Variants in IFT80 observed in about 807,000 individuals in gnomAD.
The protein encoded by IFT80 is intraflagellar transport protein 80 homolog.
A neutral mutation model predicts 107.9 loss-of-function variants in IFT80; 79 were observed. That is an observed-to-expected ratio of 0.73 (90% CI 0.61 to 0.88). The LOEUF (loss-of-function observed/expected upper bound fraction) is 0.88, where lower values mean the gene tolerates loss of function less well. Among genes scored for constraint, IFT80 ranks in the 40% least tolerant of loss-of-function variants. The pLI is 0.00. For missense variants in IFT80, 797 were observed against 914.2 expected, an observed-to-expected ratio of 0.87 and a Z score of 1.65; for synonymous variants, 299 against 300.9, an observed-to-expected ratio of 0.99 and a Z score of 0.07.
chr3:160,388,527 T>A (rs1001141016), intron 1 of IFT80, among the ~76,000 whole-genome samples: 4 of 150,368 alleles, frequency 2.7e-5, no homozygotes, highest in Non-Finnish European at 5.9e-5. Context: ...CAGAAAGATG[T>A]CATGTCCTAA....
At chr3:160,334,053 A>G (rs1394951745) in intron 8 of IFT80, among the ~76,000 whole-genome samples, 1 of 152,164 alleles carries the variant, frequency 6.6e-6, no homozygotes, top group African/African-American at 2.4e-5. Flanking sequence ...TGGGACCACT[A>G]TCATATATGC....
At chr3:160,325,330 C>T (rs2108308139) in intron 8 of IFT80, among the ~76,000 whole-genome samples, 1 of 152,232 alleles carries the variant, frequency 6.6e-6, no homozygotes, top group South Asian at 2.1e-4. Flanking sequence ...TAAGTCAATC[C>T]TAAGCCTAAA....
chr3:160,273,082 T>TTGAA (rs1356927475), intron 18 of IFT80, among the ~76,000 whole-genome samples: 4 of 152,134 alleles, frequency 2.6e-5, no homozygotes, highest in African/African-American at 7.2e-5. Context: ...TAATTATCTG[T>TTGAA]TGAATGAATG....
chr3:160,277,649 G>C lies in IFT80; in HGVS notation c.1858C>G (p.Leu620Val), dbSNP rs1037844686. The C allele has an allele frequency of 3.1e-6, 5 of 1,613,206 alleles. No individual in the cohort carries two copies. Among genetic ancestry groups the C allele is most frequent in the African/African-American group, 2.7e-5 (2 of 74,862 alleles). The stretch of plus-strand genomic sequence containing the variant: ...CGATTAGCAACTGCCATAGCAGCTA[G>C]ACAAGCCCACATGGTTTGCTCCTAA... ...FVKEQTMWACLAAMAVANRDM... is the reference protein window; with the variant it reads ...FVKEQTMWACVAAMAVANRDM... The change falls in exon 17 of 20, where the codon CTA becomes GTA. Residue 620 changes from leucine (L) to valine (V), a missense_variant. Coordinates refer to ENST00000326448, the MANE Select transcript of IFT80 (RefSeq NM_020800.3).
chr3:160,361,030 T>G (rs1465372730), intron 6 of IFT80, among the ~76,000 whole-genome samples: 1 of 152,116 alleles, frequency 6.6e-6, no homozygotes, highest in Non-Finnish European at 1.5e-5. Flanking sequence ...CATAACAATA[T>G]TAACCTTAAA....
At chr3:160,311,337 T>C (rs981195830) in intron 9 of IFT80, among the ~76,000 whole-genome samples, 23 of 152,212 alleles carry the variant, frequency 1.5e-4, no homozygotes, top group African/African-American at 4.6e-4. Context: ...TATTTCCTGA[T>C]AAAAACAAAC....
At chr3:160,383,771 T>C (rs1040401642) in intron 2 of IFT80, 1 of 985,258 alleles carries the variant, frequency 1.0e-6, no homozygotes, top group South Asian at 4.7e-5. Context: ...TGACAAAATA[T>C]AGGGTCATGT....
At chr3:160,337,085 C>A (rs1559947066) in intron 8 of IFT80, among the ~76,000 whole-genome samples, 1 of 152,060 alleles carries the variant, frequency 6.6e-6, no homozygotes, top group Non-Finnish European at 1.5e-5. Flanking sequence ...TTTTCATCCT[C>A]TTCCTATTTT....
At chr3:160,356,243 A>T in intron 7 of IFT80, 93 bp from the exon 8 acceptor site, 5 of 1,096,718 alleles carry the variant, frequency 4.6e-6, no homozygotes, top group Non-Finnish European at 6.5e-6. Flanking sequence ...AAAATGTTTT[A>T]TAACAGACAC....
intron 5 of IFT80, among the ~76,000 whole-genome samples, chr3:160,374,358 A>T (rs952729148): frequency 6.6e-6 from 1 of 151,782 alleles, no homozygotes; most frequent in Non-Finnish European, 1.5e-5. Flanking sequence ...ACAGTGAGCC[A>T]AGATGGTGCC....
chr3:160,349,116 CT>C (rs1720491603), intron 8 of IFT80, among the ~76,000 whole-genome samples: 1 of 151,902 alleles, frequency 6.6e-6, no homozygotes, highest in Non-Finnish European at 1.5e-5. Context: ...AAATTTGTTT[CT>C]TTAAAAAAGC....
At chr3:160,314,113 C>T (rs1190605104) in intron 9 of IFT80, among the ~76,000 whole-genome samples, 1 of 152,110 alleles carries the variant, frequency 6.6e-6, no homozygotes, top group Non-Finnish European at 1.5e-5. Context: ...ATAGCAATAG[C>T]TATCATTTTT....
chr3:160,339,456 A>T (rs1719728982), intron 8 of IFT80, among the ~76,000 whole-genome samples: 1 of 152,106 alleles, frequency 6.6e-6, no homozygotes, highest in South Asian at 2.1e-4. Context: ...TGTTATACTA[A>T]TTTTTTGCCA....
At chr3:160,378,458 C>T (rs1449284124) in intron 3 of IFT80, among the ~76,000 whole-genome samples, 1 of 151,870 alleles carries the variant, frequency 6.6e-6, no homozygotes, top group Admixed American at 6.6e-5. Flanking sequence ...CAAATACACC[C>T]CATTGGAATG....
chr3:160,380,294 C>G (rs1712373529), intron 3 of IFT80, among the ~76,000 whole-genome samples: 1 of 152,094 alleles, frequency 6.6e-6, no homozygotes, highest in Non-Finnish European at 1.5e-5. Context: ...ACCTCAGCCT[C>G]CCAAAGTCCA....
At chr3:160,311,552 A>G (rs185201974) in intron 9 of IFT80, among the ~76,000 whole-genome samples, 13 of 152,268 alleles carry the variant, frequency 8.5e-5, no homozygotes, top group African/African-American at 3.1e-4. Flanking sequence ...ATTTTTGCTC[A>G]CCTCTTCAAG....
intron 3 of IFT80, among the ~76,000 whole-genome samples, chr3:160,378,048 T>C (rs1257154001): frequency 6.6e-6 from 1 of 152,192 alleles, no homozygotes; most frequent in East Asian, 1.9e-4. Context: ...GCTTATGTCC[T>C]TTAAAGTTTT....
Position 160,371,451 on chromosome 3 carries a change from A to AT in IFT80, c.439+4360dup, listed in dbSNP as rs1056370145. 2.0e-4 allele frequency among the ~76,000 whole-genome samples: 30 copies of AT among 151,912 alleles called. No homozygotes were observed. In the South Asian group the frequency reaches 4.8e-3, roughly 24 times the overall value. On this transcript the variant is annotated intron_variant, in intron 5 of 19. Coordinates refer to ENST00000326448, the MANE Select transcript of IFT80 (RefSeq NM_020800.3). ...TTTATTTATTAATTTGTATTGATTG[A>AT]TTTTTTTTGAGAAAGGGTCTTACTC...
At chr3:160,357,955 T>C (rs941344731) in intron 6 of IFT80, among the ~76,000 whole-genome samples, 1 of 152,196 alleles carries the variant, frequency 6.6e-6, no homozygotes, top group Non-Finnish European at 1.5e-5. Flanking sequence ...CTCCTTCATA[T>C]AGCAGATTCC....
Sources: gnomAD v4.1 joint callset for allele counts (sites outside exome capture counted in the v4.1 genomes callset) on GRCh38, gnomAD v4.1.1 for gene constraint, MANE v1.5 for transcripts, NCBI Gene and HGNC (gene_info 2026-07-23, HGNC 2026-07-21) for gene names.